Variants in B4GALT4 observed in about 807,000 individuals in gnomAD.
B4GALT4 encodes the protein N-acetyllactosamine synthase.
Under a neutral mutation model 37.3 loss-of-function variants are expected in B4GALT4, and 27 were observed. That is an observed-to-expected ratio of 0.72 (90% confidence interval 0.53 to 1.00). B4GALT4 has a LOEUF of 1.00. Among genes scored for constraint, B4GALT4 ranks in the 50% least tolerant of loss-of-function variants. B4GALT4 has a pLI of 0.00. For missense variants in B4GALT4, 372 were observed against 413.1 expected (o/e 0.90, Z 0.86); for synonymous variants, 148 against 154.1 (o/e 0.96, Z 0.29).
intron 6 of B4GALT4, 120 bp from the exon 7 acceptor site, chr3:119,216,464 A>AGTGT: frequency 1.1e-5 from 5 of 465,300 alleles, no homozygotes; most frequent in South Asian, 5.2e-5. Flanking sequence ...ACACACACAC[A>AGTGT]CACACACAGT....
intron 6 of B4GALT4, among the ~76,000 whole-genome samples, chr3:119,216,768 G>A (rs549430264): frequency 2.0e-5 from 3 of 152,204 alleles, no homozygotes; most frequent in African/African-American, 7.2e-5. Flanking sequence ...GCCATTTATG[G>A]TCACAAGTTT....
At chr3:119,218,851 CACCT>C in intron 5 of B4GALT4, 79 bp from the exon 6 acceptor site, 1 of 1,550,014 alleles carries the variant, frequency 6.5e-7, no homozygotes. Flanking sequence ...GTTCTAGGAA[CACCT>C]GGGAGACCAT....
intron 2 of B4GALT4, among the ~76,000 whole-genome samples, chr3:119,231,086 C>T (rs996771453): frequency 6.6e-6 from 1 of 152,182 alleles, no homozygotes; most frequent in Non-Finnish European, 1.5e-5. Flanking sequence ...CCTTGACCAA[C>T]AAGTAGACAC....
At chr3:119,235,226 A>G (rs2078949395) in intron 2 of B4GALT4, 1 of 152,254 alleles carries the variant, frequency 6.6e-6, no homozygotes, top group African/African-American at 2.4e-5. Context: ...AAGGAAGATA[A>G]GCTATAACAA....
intron 6 of B4GALT4, 136 bp downstream of exon 6, chr3:119,218,514 C>A (rs2078355541): frequency 1.6e-6 from 2 of 1,255,816 alleles, no homozygotes; most frequent in South Asian, 2.8e-5. Context: ...TCCCTCCACC[C>A]CCTGCACCCT....
chr3:119,221,114 C>A (rs1180003142), intron 5 of B4GALT4, among the ~76,000 whole-genome samples: 2 of 152,102 alleles, frequency 1.3e-5, no homozygotes, highest in African/African-American at 4.8e-5. Flanking sequence ...GCCCTGGAAC[C>A]TTTTTATTTA....
At chr3:119,228,854 C>A (rs2078715654) in intron 3 of B4GALT4, among the ~76,000 whole-genome samples, 1 of 141,272 alleles carries the variant, frequency 7.1e-6, no homozygotes, top group Non-Finnish European at 1.6e-5. Context: ...TGAGATCTAT[C>A]TATCTCTGTC....
intron 2 of B4GALT4, 27 bp from the exon 3 acceptor site, chr3:119,230,271 T>C (rs1289676860): frequency 2.4e-6 from 2 of 828,464 alleles, no homozygotes; most frequent in African/African-American, 1.7e-5. Flanking sequence ...AAAGACACGT[T>C]GTTTCAAATG....
intron 7 of B4GALT4, chr3:119,213,600 A>G (rs1186124906): frequency 1.3e-5 from 2 of 152,224 alleles, no homozygotes; most frequent in Non-Finnish European, 2.9e-5. Flanking sequence ...ACAAATACTT[A>G]TCACAAAAAT....
rs80045430 is a variant in B4GALT4 at position 119,230,937 on chromosome 3, G to A, written c.-145-693C>T. ...GAAACTACAGCTCTACCACATAACA[G>A]CTACATAACCTTGGGCCAGTCATTT... On this transcript the variant is annotated intron_variant, in intron 2 of 7. Coordinates refer to ENST00000393765, the MANE Select transcript of B4GALT4 (RefSeq NM_003778.4). 9.1e-3 allele frequency among the ~76,000 whole-genome samples: 1,389 copies of A among 152,290 alleles called. 42 individuals are homozygous for A. The East Asian group carries it at 0.13, about 14-fold the overall frequency.
Position 119,226,683 on chromosome 3 carries a change from T to C in B4GALT4, c.486+126A>G, listed in dbSNP as rs2078628197. 3.9e-6 allele frequency: 3 copies of C among 773,716 alleles called. No individual in the cohort carries two copies. The South Asian group carries it at 5.4e-5, about 14-fold the overall frequency. The allele number at this position is 773,716 out of a possible 1,614,324, so 47.9% of individuals were successfully genotyped here. A position where few individuals can be genotyped will look rare whatever the true frequency, so the allele number is the denominator to read the frequency against. On this transcript the variant is annotated intron_variant, in intron 4 of 7. Coordinates refer to ENST00000393765, the MANE Select transcript of B4GALT4 (RefSeq NM_003778.4). ...CTACTCCTTTCAAGGATAAATGAGG[T>C]AAGAGAACTCGTTTTTGATGATAGT...
intron 4 of B4GALT4, among the ~76,000 whole-genome samples, chr3:119,226,243 C>CT (rs917729542): frequency 2.2e-4 from 34 of 152,316 alleles, no homozygotes; most frequent in African/African-American, 7.7e-4. Flanking sequence ...GATAGTTATG[C>CT]TGTGCTCCTA....
At chr3:119,213,984 G>A (rs899375402) in intron 7 of B4GALT4, 4 of 152,210 alleles carry the variant, frequency 2.6e-5, no homozygotes, top group African/African-American at 9.7e-5. Flanking sequence ...AGAACTTTGG[G>A]AGGCTGAGGC....
chr3:119,237,486 C>A (rs941051967), intron 1 of B4GALT4, among the ~76,000 whole-genome samples: 2 of 152,198 alleles, frequency 1.3e-5, no homozygotes, highest in African/African-American at 4.8e-5. Flanking sequence ...TGTGTTAAAA[C>A]TGCAGATTCC....
chr3:119,229,383 A>G (rs2078737794), intron 3 of B4GALT4, among the ~76,000 whole-genome samples: 1 of 152,272 alleles, frequency 6.6e-6, no homozygotes, highest in South Asian at 2.1e-4. Flanking sequence ...CTATACATCA[A>G]TGAAAATGGA....
At chr3:119,240,065 ATCACCAAACGGCTGAGGAGGTC>A (rs965821239) in intron 1 of B4GALT4, 1 of 150,150 alleles carries the variant, frequency 6.7e-6, no homozygotes, top group African/African-American at 2.5e-5. Context: ...CCTCCTTTTC[ATCACCAAACGGCTGAGGAGGTC>A]TACCAGTACC....
At chr3:119,222,434 G>T (rs1383415327) in intron 5 of B4GALT4, among the ~76,000 whole-genome samples, 1 of 128,784 alleles carries the variant, frequency 7.8e-6, no homozygotes. Context: ...CACAGCCCCC[G>T]CCCTAACTCA....
chr3:119,232,740 G>A (rs902100288), intron 2 of B4GALT4, among the ~76,000 whole-genome samples: 2 of 152,104 alleles, frequency 1.3e-5, no homozygotes, highest in Non-Finnish European at 2.9e-5. Flanking sequence ...TGCTAGGATT[G>A]GCAATTTTTA....
At position 119,228,814 on chromosome 3, in the gene B4GALT4, TTAAAG is replaced by T. The variant is rs2078711096; in HGVS notation, c.253+1028_253+1032del. Among the ~76,000 whole-genome samples the T allele has an allele frequency of 1.1e-4, 16 of 151,992 alleles. No homozygotes were observed. The South Asian group carries it at 3.1e-3, about 30-fold the overall frequency. On this transcript the variant is annotated intron_variant, in intron 3 of 7. Transcript: ENST00000393765. ...ATAAGGGTGGAGCTGCCAGGTGGGA[TTAAAG>T]CACTTATAAAAAGAGCAAGAGGCAT...
Sources: gnomAD v4.1 joint callset for allele counts (sites outside exome capture counted in the v4.1 genomes callset) on GRCh38, gnomAD v4.1.1 for gene constraint, MANE v1.5 for transcripts, NCBI Gene and HGNC (gene_info 2026-07-23, HGNC 2026-07-21) for gene names.